Variants in KAZN observed in about 807,000 individuals in gnomAD.
KAZN encodes the protein kazrin.
A neutral mutation model predicts 87.4 loss-of-function variants in KAZN; 40 were observed. That is an observed-to-expected ratio of 0.46 (90% CI 0.36 to 0.60). The LOEUF (loss-of-function observed/expected upper bound fraction) is 0.60. Among genes scored for constraint, KAZN ranks in the 20% least tolerant of loss-of-function variants. KAZN has a pLI of 0.00. For missense variants in KAZN, 898 were observed against 1,073.9 expected, an observed-to-expected ratio of 0.84 and a Z score of 2.29; for synonymous variants, 466 against 458.3, an observed-to-expected ratio of 1.02 and a Z score of -0.22.
intron 1 of KAZN, among the ~76,000 whole-genome samples, chr1:14,081,803 A>G (rs1029949209): frequency 1.3e-5 from 2 of 152,022 alleles, no homozygotes; most frequent in Non-Finnish European, 2.9e-5. Context: ...TCCAGTCTGG[A>G]GTGCAGTGGT....
intron 1 of KAZN, among the ~76,000 whole-genome samples, chr1:14,004,562 G>A (rs562559581): frequency 9.8e-5 from 15 of 152,336 alleles, no homozygotes; most frequent in African/African-American, 3.6e-4. Flanking sequence ...GGGGTGCTTA[G>A]TGACTAGAAG....
At chr1:14,699,088 C>A (rs1397796304) in intron 1 of KAZN, among the ~76,000 whole-genome samples, 2 of 152,166 alleles carry the variant, frequency 1.3e-5, no homozygotes, top group African/African-American at 4.8e-5. Flanking sequence ...CTCCTGGATA[C>A]CTTCAACCAG....
chr1:13,893,485 C>A, exon 1 of KAZN: 1 of 1,053,246 alleles, frequency 9.5e-7, no homozygotes, highest in Non-Finnish European at 1.3e-6. Flanking sequence ...TTGAGAAAAA[C>A]TGCAAGGAAA....
At chr1:13,985,396 G>A (rs1286366131) in intron 1 of KAZN, among the ~76,000 whole-genome samples, 1 of 151,498 alleles carries the variant, frequency 6.6e-6, no homozygotes, top group Non-Finnish European at 1.5e-5. Context: ...ATGAGTTCAT[G>A]TCCTTTGTAG....
intron 2 of KAZN, among the ~76,000 whole-genome samples, chr1:14,201,289 TTC>T (rs1254360914): frequency 1.3e-5 from 2 of 152,234 alleles, no homozygotes; most frequent in Non-Finnish European, 2.9e-5. Flanking sequence ...AACTCAAAGT[TTC>T]TCTCTCACAC....
At chr1:14,120,048 G>A (rs1214405410) in intron 1 of KAZN, among the ~76,000 whole-genome samples, 1 of 152,124 alleles carries the variant, frequency 6.6e-6, no homozygotes, top group African/African-American at 2.4e-5. Context: ...TAAGGACGTG[G>A]TTTTCCTGTG....
At chr1:15,043,791 C>A (rs961781744) in intron 3 of KAZN, among the ~76,000 whole-genome samples, 198 bp from the exon 4 acceptor site, 1 of 151,956 alleles carries the variant, frequency 6.6e-6, no homozygotes, top group Non-Finnish European at 1.5e-5. Context: ...TACAGGTGCC[C>A]GCCACCATGC....
intron 1 of KAZN, among the ~76,000 whole-genome samples, chr1:14,755,524 G>C (rs144901615): frequency 6.6e-6 from 1 of 152,116 alleles, no homozygotes; most frequent in Non-Finnish European, 1.5e-5. Flanking sequence ...GGGAAGTTAC[G>C]ATCTCCAGAA....
intron 1 of KAZN, among the ~76,000 whole-genome samples, chr1:14,713,397 CAT>C (rs1642591467): frequency 6.6e-6 from 1 of 152,170 alleles, no homozygotes; most frequent in Non-Finnish European, 1.5e-5. Flanking sequence ...ACAGCACAAT[CAT>C]TTCAGTGCTG....
At chr1:14,319,987 G>A (rs983680747) in intron 2 of KAZN, among the ~76,000 whole-genome samples, 2 of 152,018 alleles carry the variant, frequency 1.3e-5, no homozygotes, top group Admixed American at 6.6e-5. Flanking sequence ...TGTTATTAAG[G>A]TCATCAAAGA....
chr1:15,062,507 GCATCTGACGTC>G (rs1319240096), intron 6 of KAZN: 2 of 152,604 alleles, frequency 1.3e-5, no homozygotes, highest in Admixed American at 6.5e-5. Flanking sequence ...TTTGCCTTGG[GCATCTGACGTC>G]CACCAGCAAG....
chr1:14,052,255 T>A (rs991658048), intron 1 of KAZN, among the ~76,000 whole-genome samples: 28 of 152,244 alleles, frequency 1.8e-4, no homozygotes, highest in Non-Finnish European at 4.4e-5. Flanking sequence ...TCTGTGTGTT[T>A]ACACATTCTG....
At chr1:14,647,236 A>G (rs1680875421) in intron 1 of KAZN, among the ~76,000 whole-genome samples, 2 of 152,246 alleles carry the variant, frequency 1.3e-5, no homozygotes, top group African/African-American at 4.8e-5. Context: ...TGGTCAAAAC[A>G]GCCCGCAGCC....
chr1:14,011,789 G>C (rs1031864759), intron 1 of KAZN, among the ~76,000 whole-genome samples: 7 of 152,170 alleles, frequency 4.6e-5, no homozygotes, highest in African/African-American at 1.7e-4. Flanking sequence ...AGGATTAAAT[G>C]AAATAATACA....
chr1:14,811,368 A>G (rs1242800299), intron 1 of KAZN, among the ~76,000 whole-genome samples: 1 of 152,250 alleles, frequency 6.6e-6, no homozygotes, highest in Non-Finnish European at 1.5e-5. Flanking sequence ...AATAAATCAT[A>G]AGAGGGTGGG....
rs1437316729 is a variant in KAZN, at chr1:15,081,014, G to A, written c.1223-13166G>A. Among the ~76,000 whole-genome samples, 3 of 152,284 alleles carry A rather than the reference G, an allele frequency of 2.0e-5. No homozygotes were observed. The highest frequency in any genetic ancestry group is 7.2e-5 in the African/African-American group (3 of 41,480). On this transcript the variant is annotated intron_variant, in intron 8 of 14. Transcript: ENST00000376030. This position sits in a 1 kb window ranked among gnomAD's most constrained non-coding sequence, Gnocchi z 4.1. ...TCAGAGGCCTTGCCGTAGGCAGAGG[G>A]ACAAGAGAATGGTAGCATCTACTGC...
At chr1:14,149,392 C>T (rs549668774) in intron 1 of KAZN, among the ~76,000 whole-genome samples, 111 of 152,166 alleles carry the variant, frequency 7.3e-4, no homozygotes, top group African/African-American at 2.6e-3. Context: ...CAGGCGTGAG[C>T]CACCATGCCT....
chr1:14,949,155 AAATAATAATAATAAT>A lies in KAZN; in HGVS notation c.227-11508_227-11494del, dbSNP rs3039717. ...GCAACAGAGTGAGACTCCGACTCAAAAATAATAATAATAATAATAATAATAATAATAATAAGTAAT... is the reference window on the plus strand; with the variant it reads ...GCAACAGAGTGAGACTCCGACTCAAAAATAATAATAATAATAATAAGTAAT... On this transcript the variant is annotated intron_variant, in intron 1 of 14. Transcript: ENST00000376030. This position sits in a 1 kb window ranked among gnomAD's most constrained non-coding sequence, Gnocchi z 4.3. 8.3e-5 allele frequency among the ~76,000 whole-genome samples: 12 copies of A among 143,868 alleles called. No homozygotes were observed. Among genetic ancestry groups the A allele is most frequent in the Non-Finnish European group, 1.5e-4 (10 of 66,222 alleles). 94.4% of individuals were successfully genotyped at this position (143,868 alleles called of 152,430 possible). A position where few individuals can be genotyped will look rare whatever the true frequency, so the allele number is the denominator to read the frequency against.
chr1:13,903,472 T>A lies in KAZN; in HGVS notation c.91+9716T>A, dbSNP rs565298101. 4.6e-5 allele frequency among the ~76,000 whole-genome samples: 7 copies of A among 152,276 alleles called. No individual in the cohort carries two copies. The East Asian group carries it at 1.2e-3, about 25-fold the overall frequency. On this transcript the variant is annotated intron_variant, in intron 1 of 16. Transcript: ENST00000636203. ...GTGCCAGTGTGGCTAGGAGGGAGAC[T>A]CAGCCTCGGACCCCAAAGGGAAGGA...
Sources: allele counts gnomAD v4.1 joint callset (sites outside exome capture counted in the v4.1 genomes callset), GRCh38; gene constraint gnomAD v4.1.1; non-coding constraint Gnocchi (gnomAD v3.1); transcripts MANE v1.5; gene names NCBI Gene and HGNC (gene_info 2026-07-23, HGNC 2026-07-21).